ADTRP: variants seen among roughly 807,000 people sequenced by gnomAD.
ADTRP encodes the protein androgen dependent TFPI regulating protein, also known as androgen-dependent TFPI-regulating protein.
ADTRP carries 20 observed loss-of-function variants against 27.0 expected under a neutral mutation model. The ratio of observed to expected loss-of-function variants is 0.74; its 90% CI spans 0.52 to 1.08. The LOEUF is 1.08. Among genes scored for constraint, ADTRP ranks in the 50% least tolerant of loss-of-function variants. The pLI is 0.00. For synonymous variants in ADTRP, 101 were observed against 105.2 expected (o/e 0.96, Z 0.25); for missense variants, 251 against 275.0 (o/e 0.91, Z 0.62).
chr6:11,766,786 T>C (rs1015141906), intron 2 of ADTRP, among the ~76,000 whole-genome samples: 1 of 152,162 alleles, frequency 6.6e-6, no homozygotes, highest in Non-Finnish European at 1.5e-5. Context: ...ACCCTCTAAA[T>C]AGGCATGGCT....
At chr6:11,733,641 C>G (rs534731318) in intron 4 of ADTRP, among the ~76,000 whole-genome samples, 3 of 152,342 alleles carry the variant, frequency 2.0e-5, no homozygotes, top group Admixed American at 2.0e-4. Context: ...CTTTCCCGGA[C>G]AGCCTCTAAA....
rs1018643988 is a variant in ADTRP at position 11,714,054 on chromosome 6, C to T, written c.*424G>A. On this transcript the variant is annotated 3_prime_UTR_variant, in exon 6 of 6. Transcript: ENST00000414691. Reference sequence around the variant, plus strand: ...AGAAGTCATTGCCTTGGTTCTGACACTAAGTAACCCTTTTGCCTTTTGCAG... The same window carrying T: ...AGAAGTCATTGCCTTGGTTCTGACATTAAGTAACCCTTTTGCCTTTTGCAG... 1.3e-5 allele frequency: 2 copies of T among 159,726 alleles called. No individual in the cohort carries two copies. Among genetic ancestry groups the T allele is most frequent in the African/African-American group, 2.4e-5 (1 of 41,456 alleles). 9.9% of individuals were successfully genotyped at this position (159,726 alleles called of 1,614,324 possible). A position where few individuals can be genotyped will look rare whatever the true frequency, so the allele number is the denominator to read the frequency against.
At chr6:11,748,983 G>A (rs1490414161) in intron 3 of ADTRP, among the ~76,000 whole-genome samples, 1 of 152,224 alleles carries the variant, frequency 6.6e-6, no homozygotes, top group African/African-American at 2.4e-5. Context: ...GTACTAAAAA[G>A]GGAAATAACA....
At chr6:11,735,443 TA>T in intron 4 of ADTRP, 124 bp downstream of exon 4, 1 of 693,542 alleles carries the variant, frequency 1.4e-6, no homozygotes, top group Non-Finnish European at 2.4e-6. Flanking sequence ...CCTGGAAATG[TA>T]AACATGATTA....
chr6:11,717,195 A>C (rs1430172128), intron 5 of ADTRP: 2 of 1,076,810 alleles, frequency 1.9e-6, no homozygotes, highest in Non-Finnish European at 2.4e-6. Context: ...TCCCAGTAGA[A>C]AGTATCCTAG....
chr6:11,719,958 G>A (rs1488942660), intron 5 of ADTRP, among the ~76,000 whole-genome samples: 8 of 152,182 alleles, frequency 5.3e-5, no homozygotes, highest in African/African-American at 1.4e-4. Context: ...TTCTCCGTGA[G>A]CCCAGGAGGA....
rs774780067 is a variant in ADTRP at position 11,768,271 on chromosome 6, G to C, written c.266C>G (p.Thr89Ser). 2.5e-6 allele frequency: 4 copies of C among 1,614,204 alleles called. No homozygotes were observed. The East Asian group carries it at 6.7e-5, about 27-fold the overall frequency. ...TACCGTGGATACAGGAAAAGCCAGA[G>C]TGGTGAAAAGCAGGTCTCTGAAGGC... Reference protein sequence around the residue: ...LTAFRDLLFTTLAFPVSTFVF... With the variant: ...LTAFRDLLFTSLAFPVSTFVF... The change falls in exon 2 of 6, where the codon ACT (threonine) becomes AGT (serine). Residue 89 changes from threonine (T) to serine (S), a missense_variant. Coordinates refer to ENST00000414691, the MANE Select transcript of ADTRP (RefSeq NM_032744.4).
chr6:11,713,700 T>G lies in ADTRP; in HGVS notation c.*778A>C, dbSNP rs1761715945. 6.6e-6 allele frequency: 1 copy of G among 152,226 alleles called. No individual in the cohort carries two copies. The highest frequency in any genetic ancestry group is 2.4e-5 in the African/African-American group (1 of 41,456). 9.4% of individuals were successfully genotyped at this position (152,226 alleles called of 1,614,324 possible). ...ATTACTATACCATTTATTTGATGAA[T>G]TAATCAATGTTCAAATGGAAGAGGT... On this transcript the variant is annotated 3_prime_UTR_variant, in exon 6 of 6. Transcript: ENST00000414691.
chr6:11,736,439 GTGCACACACATGCACA>G (rs1762556848), intron 3 of ADTRP: 1 of 152,426 alleles, frequency 6.6e-6, no homozygotes, highest in African/African-American at 2.4e-5. Flanking sequence ...ACACACATTT[GTGCACACACATGCACA>G]TGCACACATC....
chr6:11,774,901 G>A (rs1763903568), intron 1 of ADTRP, among the ~76,000 whole-genome samples: 2 of 152,204 alleles, frequency 1.3e-5, no homozygotes, highest in Non-Finnish European at 2.9e-5. Context: ...CTCAGGCACT[G>A]GATGATCTGA....
chr6:11,713,733 A>G lies in ADTRP; in HGVS notation c.*745T>C, dbSNP rs972774690. The G allele has an allele frequency of 6.6e-6, 1 of 152,176 alleles. No individual in the cohort carries two copies. Among genetic ancestry groups the G allele is most frequent in the South Asian group, 2.1e-4 (1 of 4,832 alleles). The allele number at this position is 152,176 out of a possible 1,614,324, so 9.4% of individuals were successfully genotyped here. Reference sequence around the variant, plus strand: ...TGTTCAAATGGAAGAGGTTTTGACAATGTCACTATGTTTGATGTTTATACC... The same window carrying G: ...TGTTCAAATGGAAGAGGTTTTGACAGTGTCACTATGTTTGATGTTTATACC... On this transcript the variant is annotated 3_prime_UTR_variant, in exon 6 of 6. Transcript: ENST00000414691.
intron 1 of ADTRP, among the ~76,000 whole-genome samples, chr6:11,775,841 C>T (rs1220788639): frequency 3.9e-5 from 6 of 152,220 alleles, no homozygotes; most frequent in Admixed American, 6.5e-5. Flanking sequence ...TGATACTCAG[C>T]CAATTAGAAA....
At chr6:11,745,907 C>T (rs1455597326) in intron 3 of ADTRP, among the ~76,000 whole-genome samples, 2 of 152,168 alleles carry the variant, frequency 1.3e-5, no homozygotes, top group Non-Finnish European at 2.9e-5. Flanking sequence ...TCTCCTGCCT[C>T]AGCCTCCCAA....
chr6:11,770,985 C>T (rs1451015880), intron 1 of ADTRP, among the ~76,000 whole-genome samples: 3 of 152,194 alleles, frequency 2.0e-5, no homozygotes, highest in African/African-American at 7.2e-5. Flanking sequence ...AGGCCGCCTC[C>T]GCCCGGCGTG....
At chr6:11,774,384 G>A (rs1581375724) in intron 1 of ADTRP, among the ~76,000 whole-genome samples, 1 of 151,604 alleles carries the variant, frequency 6.6e-6, no homozygotes, top group Non-Finnish European at 1.5e-5. Flanking sequence ...AAGTGTTGAA[G>A]TGGGTGCCAT....
At chr6:11,716,719 CTT>C (rs1554110530) in intron 5 of ADTRP, among the ~76,000 whole-genome samples, 7 of 125,392 alleles carry the variant, frequency 5.6e-5, no homozygotes, top group African/African-American at 8.9e-5. Context: ...TTTTCTTTTT[CTT>C]TTTTTTTTTT....
At chr6:11,740,083 C>T (rs1762670708) in intron 3 of ADTRP, among the ~76,000 whole-genome samples, 1 of 152,170 alleles carries the variant, frequency 6.6e-6, no homozygotes, top group Non-Finnish European at 1.5e-5. Flanking sequence ...GACTTTGACC[C>T]TCTCAGATGG....
chr6:11,756,204 A>C (rs1763209608), intron 3 of ADTRP, among the ~76,000 whole-genome samples: 4 of 152,140 alleles, frequency 2.6e-5, no homozygotes, highest in African/African-American at 7.2e-5. Context: ...TCTAGCAAAC[A>C]CAAAAAATTA....
At chr6:11,739,959 T>C (rs1762667219) in intron 3 of ADTRP, among the ~76,000 whole-genome samples, 1 of 152,232 alleles carries the variant, frequency 6.6e-6, no homozygotes, top group African/African-American at 2.4e-5. Flanking sequence ...GCCTACATAT[T>C]GCAAAATCAG....
Sources: gnomAD v4.1 joint callset for allele counts (sites outside exome capture counted in the v4.1 genomes callset) on GRCh38, gnomAD v4.1.1 for gene constraint, MANE v1.5 for transcripts, NCBI Gene and HGNC (gene_info 2026-07-23, HGNC 2026-07-21) for gene names.